CARMIL1: variants seen among roughly 807,000 people sequenced by gnomAD.
CARMIL1 encodes capping protein regulator and myosin 1 linker 1.
A neutral mutation model predicts 177.1 loss-of-function variants in CARMIL1; 90 were observed. The ratio of observed to expected loss-of-function variants is 0.51; its 90% CI spans 0.43 to 0.61. The LOEUF is 0.61. CARMIL1 is among the 20% of genes least tolerant of loss of function. The probability of loss-of-function intolerance (pLI) is 0.00; values close to 1 mark genes in which losing one functional copy is unlikely to be tolerated. For missense variants in CARMIL1, 1,380 were observed against 1,667.0 expected (o/e 0.83, Z 3.00); for synonymous variants, 577 against 606.2 (o/e 0.95, Z 0.71).
chr6:25,309,315 A>C (rs531692637), intron 2 of CARMIL1, among the ~76,000 whole-genome samples: 1 of 147,004 alleles, frequency 6.8e-6, no homozygotes, highest in Non-Finnish European at 1.5e-5. Context: ...AGATCATGCC[A>C]CTGCACTCCA....
intron 2 of CARMIL1, among the ~76,000 whole-genome samples, chr6:25,372,603 G>C (rs1462730871): frequency 6.6e-6 from 1 of 152,180 alleles, no homozygotes; most frequent in African/African-American, 2.4e-5. Flanking sequence ...TGTAACCTGA[G>C]ACTTCACTGA....
At chr6:25,351,713 A>G (rs1280026027) in intron 2 of CARMIL1, among the ~76,000 whole-genome samples, 1 of 152,142 alleles carries the variant, frequency 6.6e-6, no homozygotes. Flanking sequence ...CAGCTACTTG[A>G]CCTTGGGTCA....
At chr6:25,450,531 A>G (rs927766260) in intron 7 of CARMIL1, 107 bp from the exon 8 acceptor site, 2 of 1,105,982 alleles carry the variant, frequency 1.8e-6, no homozygotes, top group Middle Eastern at 2.0e-4. Flanking sequence ...TTCACTTCTC[A>G]GATTACATAA....
At chr6:25,572,292 A>C (rs1276221837) in intron 29 of CARMIL1, among the ~76,000 whole-genome samples, 3 of 152,182 alleles carry the variant, frequency 2.0e-5, no homozygotes, top group Admixed American at 2.0e-4. Flanking sequence ...ATTTGTATTT[A>C]TTAGACTATA....
rs1780920288 is a variant in CARMIL1, at chr6:25,279,742, G to T, written c.-54G>T. The T allele has an allele frequency of 1.9e-5, 30 of 1,574,990 alleles. No individual in the cohort carries two copies. Among genetic ancestry groups the T allele is most frequent in the Non-Finnish European group, 2.5e-5 (29 of 1,144,560 alleles). On this transcript the variant is annotated 5_prime_UTR_variant, in exon 1 of 37. Transcript: ENST00000329474. Reference sequence around the variant, plus strand: ...AATTGAGGAGTTCGGGGAAGGGCAGGGGGCCATAAATCAGAGTTGGACCTG... The same window carrying T: ...AATTGAGGAGTTCGGGGAAGGGCAGTGGGCCATAAATCAGAGTTGGACCTG...
intron 2 of CARMIL1, among the ~76,000 whole-genome samples, chr6:25,370,355 G>A (rs78536796): frequency 0.051 from 7,782 of 152,152 alleles, 270 homozygotes; most frequent in Non-Finnish European, 0.086. Context: ...TGACCACAGC[G>A]CCAAGCATCT....
chr6:25,380,538 T>C (rs1379390671), intron 2 of CARMIL1, among the ~76,000 whole-genome samples: 5 of 152,114 alleles, frequency 3.3e-5, no homozygotes, highest in Admixed American at 3.3e-4. Flanking sequence ...AATGGAAAAT[T>C]ACAGGAATTA....
chr6:25,571,407 A>C (rs752761517), intron 29 of CARMIL1, among the ~76,000 whole-genome samples: 17 of 152,218 alleles, frequency 1.1e-4, no homozygotes, highest in Non-Finnish European at 2.5e-4. Flanking sequence ...TTCTCTTTTC[A>C]GAGGAATGGC....
chr6:25,526,330 A>G (rs1356487725), intron 23 of CARMIL1, among the ~76,000 whole-genome samples: 1 of 151,832 alleles, frequency 6.6e-6, no homozygotes, highest in Non-Finnish European at 1.5e-5. Context: ...GCGACAGCAC[A>G]AGACTCCGTC....
At chr6:25,482,231 C>T (rs759760602) in intron 11 of CARMIL1, 26 bp from the exon 12 acceptor site, 2 of 1,231,328 alleles carry the variant, frequency 1.6e-6, no homozygotes, top group South Asian at 2.6e-5. Context: ...CTTGAAAATT[C>T]TAATCGCTTC....
chr6:25,338,253 T>C (rs567095154), intron 2 of CARMIL1, among the ~76,000 whole-genome samples: 129 of 75,860 alleles, frequency 1.7e-3, no homozygotes, highest in African/African-American at 7.2e-3. Flanking sequence ...CAAGACTCTG[T>C]CTCAAAAAAA....
At chr6:25,608,861 G>A (rs557543881) in intron 35 of CARMIL1, among the ~76,000 whole-genome samples, 1 of 152,298 alleles carries the variant, frequency 6.6e-6, no homozygotes, top group African/African-American at 2.4e-5. Context: ...GAACCACCTT[G>A]CTGATAACAG....
chr6:25,560,379 G>C (rs1183927194), intron 29 of CARMIL1, among the ~76,000 whole-genome samples: 1 of 152,082 alleles, frequency 6.6e-6, no homozygotes, highest in African/African-American at 2.4e-5. Flanking sequence ...CTGTTTTACA[G>C]CCTGTGTCTA....
Position 25,484,795 on chromosome 6 carries a change from A to G in CARMIL1, c.961+2452A>G, listed in dbSNP as rs556190727. On this transcript the variant is annotated intron_variant, in intron 12 of 36. Coordinates refer to ENST00000329474, the MANE Select transcript of CARMIL1 (RefSeq NM_017640.6). ...TGTTAATCTATTTTTAAAAAAGTTT[A>G]TATGACTTGTGTACATATTAAAAGC... Among the ~76,000 whole-genome samples the G allele has an allele frequency of 3.9e-5, 6 of 152,340 alleles. No homozygotes were observed. The East Asian group carries it at 1.2e-3, about 29-fold the overall frequency.
rs1326460700 is a variant in CARMIL1 at position 25,515,690 on chromosome 6, T to C, written c.1648T>C (p.Ser550Pro). The C allele has an allele frequency of 6.2e-7, 1 of 1,604,306 alleles. No homozygotes were observed. Reference protein sequence around the residue: ...QDEESPLQSLSLADSKLKTEV... With the variant: ...QDEESPLQSLPLADSKLKTEV... ...TGCTCCGCAGCCTCTGCAGTCCTTG[T>C]CCCTGGCTGACTCGAAACTCAAGAC... Residue 550 changes from serine (S) to proline (P), a missense_variant, in exon 21 of 37, where the codon TCC becomes CCC. Coordinates refer to ENST00000329474, the MANE Select transcript of CARMIL1 (RefSeq NM_017640.6). This position sits in a 1 kb window ranked among gnomAD's most constrained non-coding sequence, Gnocchi z 5.0.
rs1810810717 is a variant in CARMIL1 at position 25,558,331 on chromosome 6, T to C, written c.2742+1481T>C. 6.6e-6 allele frequency among the ~76,000 whole-genome samples: 1 copy of C among 152,238 alleles called. No individual in the cohort carries two copies. Among genetic ancestry groups the C allele is most frequent in the Non-Finnish European group, 1.5e-5 (1 of 68,042 alleles). On this transcript the variant is annotated intron_variant, in intron 29 of 36. Coordinates refer to ENST00000329474, the MANE Select transcript of CARMIL1 (RefSeq NM_017640.6). This position sits in a 1 kb window ranked among gnomAD's most constrained non-coding sequence, Gnocchi z 4.1. ...AGTAAAATGTATTTTATTAGGTTTA[T>C]AGATGATGTGGTTTGGAATGAGGAA...
intron 8 of CARMIL1, among the ~76,000 whole-genome samples, chr6:25,456,193 T>C (rs1302333376): frequency 2.0e-5 from 3 of 152,244 alleles, no homozygotes; most frequent in Non-Finnish European, 2.9e-5. Flanking sequence ...CATTGTGGAC[T>C]TGGCTTCCTA....
At chr6:25,374,885 A>G (rs1334008310) in intron 2 of CARMIL1, among the ~76,000 whole-genome samples, 1 of 152,064 alleles carries the variant, frequency 6.6e-6, no homozygotes, top group African/African-American at 2.4e-5. Context: ...TTTTTCCACC[A>G]CTTTACCTGG....
At chr6:25,312,186 C>T (rs1377905662) in intron 2 of CARMIL1, among the ~76,000 whole-genome samples, 1 of 152,256 alleles carries the variant, frequency 6.6e-6, no homozygotes, top group South Asian at 2.1e-4. Flanking sequence ...CCCCTCCCAT[C>T]TGGGTGTGCT....
Sources: allele counts gnomAD v4.1 joint callset (sites outside exome capture counted in the v4.1 genomes callset), GRCh38; gene constraint gnomAD v4.1.1; non-coding constraint Gnocchi (gnomAD v3.1); transcripts MANE v1.5; gene names NCBI Gene and HGNC (gene_info 2026-07-23, HGNC 2026-07-21).